TMTC2: variants seen among roughly 807,000 people sequenced by gnomAD.
TMTC2 encodes the protein protein O-mannosyl-transferase TMTC2.
Under a neutral mutation model 82.4 loss-of-function variants are expected in TMTC2, and 43 were observed. The ratio of observed to expected loss-of-function variants is 0.52; its 90% confidence interval spans 0.41 to 0.67. TMTC2 has a LOEUF of 0.67. Among genes scored for constraint, TMTC2 ranks in the 30% least tolerant of loss-of-function variants. The pLI is 0.00. For synonymous variants in TMTC2, 408 were observed against 381.9 expected (o/e 1.07, Z -0.80); for missense variants, 919 against 1,012.4 (o/e 0.91, Z 1.25).
chr12:82,712,056 A>T (rs1398851483), intron 1 of TMTC2, among the ~76,000 whole-genome samples: 1 of 150,996 alleles, frequency 6.6e-6, no homozygotes, highest in African/African-American at 2.4e-5. Flanking sequence ...TTCTCTCCCC[A>T]TTTCCTTTCT....
chr12:82,951,100 T>A (rs1877321303), intron 4 of TMTC2, among the ~76,000 whole-genome samples: 1 of 152,222 alleles, frequency 6.6e-6, no homozygotes, highest in South Asian at 2.1e-4. Context: ...TTTGCAGTTT[T>A]GTGACACAAG....
chr12:82,735,556 A>C (rs113138030), intron 1 of TMTC2, among the ~76,000 whole-genome samples: 1 of 151,822 alleles, frequency 6.6e-6, no homozygotes. Flanking sequence ...TGTGTTAGCC[A>C]GGATGGTCTC....
chr12:82,880,577 C>T (rs1287652959), intron 2 of TMTC2, among the ~76,000 whole-genome samples: 7 of 152,158 alleles, frequency 4.6e-5, no homozygotes, highest in African/African-American at 1.7e-4. Flanking sequence ...TCTTATTCCC[C>T]TTTGCTTAAT....
intron 2 of TMTC2, among the ~76,000 whole-genome samples, chr12:82,866,699 G>A (rs1871885469): frequency 6.6e-6 from 1 of 152,142 alleles, no homozygotes; most frequent in Non-Finnish European, 1.5e-5. Flanking sequence ...AGAAAATGAT[G>A]TGGTTTGCAC....
At chr12:83,114,830 T>C (rs1308299136) in intron 11 of TMTC2, among the ~76,000 whole-genome samples, 1 of 151,850 alleles carries the variant, frequency 6.6e-6, no homozygotes, top group African/African-American at 2.4e-5. Flanking sequence ...GCCATCTTCA[T>C]TCATTTTATA....
chr12:82,932,700 A>T (rs940986044), intron 4 of TMTC2, among the ~76,000 whole-genome samples: 11 of 152,116 alleles, frequency 7.2e-5, no homozygotes, highest in Non-Finnish European at 1.6e-4. Flanking sequence ...ATGGGATATT[A>T]CTTTTCTGGT....
At chr12:83,113,956 TATTC>T (rs1383903216) in intron 11 of TMTC2, among the ~76,000 whole-genome samples, 1 of 152,194 alleles carries the variant, frequency 6.6e-6, no homozygotes, top group East Asian at 1.9e-4. Flanking sequence ...TACTTCTTCA[TATTC>T]ATTCTGCGAG....
chr12:82,918,627 A>G (rs546253466), intron 3 of TMTC2, among the ~76,000 whole-genome samples: 1 of 152,200 alleles, frequency 6.6e-6, no homozygotes, highest in Non-Finnish European at 1.5e-5. Context: ...AAGAGGAGTG[A>G]TTACTTATGC....
intron 4 of TMTC2, among the ~76,000 whole-genome samples, chr12:82,964,549 A>G (rs563737877): frequency 1.1e-4 from 16 of 152,166 alleles, no homozygotes; most frequent in Admixed American, 9.2e-4. Flanking sequence ...TCTTTTTGCT[A>G]TTGAGCCAGA....
At chr12:82,839,798 A>G (rs1185108926) in intron 1 of TMTC2, among the ~76,000 whole-genome samples, 1 of 152,166 alleles carries the variant, frequency 6.6e-6, no homozygotes, top group Non-Finnish European at 1.5e-5. Flanking sequence ...GGCTGTGAAC[A>G]GTGATATAAG....
chr12:83,132,319 T>G lies in TMTC2; in HGVS notation c.2441T>G (p.Ile814Ser), dbSNP rs759217242. 6.2e-7 allele frequency: 1 copy of G among 1,614,068 alleles called. No homozygotes were observed. The highest frequency in any genetic ancestry group is 1.7e-5 in the Admixed American group (1 of 60,004). The change falls in exon 12 of 12, where the codon ATC becomes AGC. Residue 814 changes from isoleucine to serine, a missense_variant. Transcript: ENST00000321196. Reference protein sequence around the residue: ...RALQLKPDDVITQSNLRKLWN... With the variant: ...RALQLKPDDVSTQSNLRKLWN... Reference sequence around the variant, plus strand: ...CTGCAGCTCAAGCCAGACGATGTCATCACACAGTCCAATCTCCGCAAACTG... The same window carrying G: ...CTGCAGCTCAAGCCAGACGATGTCAGCACACAGTCCAATCTCCGCAAACTG...
At chr12:82,797,893 T>C (rs1274559732) in intron 1 of TMTC2, among the ~76,000 whole-genome samples, 2 of 151,808 alleles carry the variant, frequency 1.3e-5, no homozygotes, top group Non-Finnish European at 2.9e-5. Context: ...GCAGGTATTG[T>C]TCTGCTTTTT....
intron 3 of TMTC2, among the ~76,000 whole-genome samples, chr12:82,910,915 C>G (rs1488844343): frequency 2.6e-5 from 4 of 151,038 alleles, no homozygotes; most frequent in Non-Finnish European, 1.5e-5. Context: ...GAGTCTCGCT[C>G]TGTCGCCCAG....
chr12:82,952,325 A>G (rs1004202236), intron 4 of TMTC2, among the ~76,000 whole-genome samples: 1 of 152,162 alleles, frequency 6.6e-6, no homozygotes, highest in African/African-American at 2.4e-5. Flanking sequence ...TTCTTAAATT[A>G]TTTAATTTTA....
At chr12:83,103,839 A>G (rs1884308416) in intron 11 of TMTC2, among the ~76,000 whole-genome samples, 1 of 152,234 alleles carries the variant, frequency 6.6e-6, no homozygotes, top group Non-Finnish European at 1.5e-5. Context: ...CTCTTCCACC[A>G]ATAAGCCTGT....
At chr12:83,114,517 A>G (rs1051697781) in intron 11 of TMTC2, among the ~76,000 whole-genome samples, 8 of 152,086 alleles carry the variant, frequency 5.3e-5, no homozygotes, top group African/African-American at 1.9e-4. Flanking sequence ...CCTAACCCTA[A>G]ATTTTCATTT....
At chr12:83,081,436 A>G (rs78753086) in intron 11 of TMTC2, among the ~76,000 whole-genome samples, 6,693 of 152,298 alleles carry the variant, frequency 0.044, 184 homozygotes, top group East Asian at 0.12. Flanking sequence ...AGATACTTTC[A>G]ATAACAGATT....
intron 1 of TMTC2, among the ~76,000 whole-genome samples, chr12:82,742,036 C>G (rs1875437282): frequency 6.6e-6 from 1 of 152,114 alleles, no homozygotes; most frequent in African/African-American, 2.4e-5. Flanking sequence ...GTGAATGTCC[C>G]CTACTGGAGC....
chr12:83,025,395 T>A (rs1056512658), intron 8 of TMTC2, among the ~76,000 whole-genome samples: 1 of 150,010 alleles, frequency 6.7e-6, no homozygotes, highest in Non-Finnish European at 1.5e-5. Flanking sequence ...GTATTATATA[T>A]ATTTACATAT....
Sources: gnomAD v4.1 joint callset for allele counts (sites outside exome capture counted in the v4.1 genomes callset) on GRCh38, gnomAD v4.1.1 for gene constraint, MANE v1.5 for transcripts, NCBI Gene and HGNC (gene_info 2026-07-23, HGNC 2026-07-21) for gene names.